Variants in GRIP1 observed in about 807,000 individuals in gnomAD.
GRIP1 encodes the protein glutamate receptor-interacting protein 1.
In GRIP1, 45 loss-of-function variants were observed where a neutral mutation model predicts 129.9. The observed-to-expected ratio is 0.35, with a 90% CI of 0.27 to 0.44. The LOEUF (loss-of-function observed/expected upper bound fraction) is 0.44, where lower values mean the gene tolerates loss of function less well. Ranked by LOEUF, GRIP1 falls within the 20% of genes least tolerant of loss-of-function variation. GRIP1 has a pLI of 1.00. For synonymous variants in GRIP1, 530 were observed against 520.8 expected (o/e 1.02, Z -0.24); for missense variants, 1,196 against 1,396.8 (o/e 0.86, Z 2.29).
At chr12:66,806,707 AT>A (rs1180614264), upstream of GRIP1, among the ~76,000 whole-genome samples, 8 of 152,080 alleles carry the variant, frequency 5.3e-5, no homozygotes, top group African/African-American at 1.7e-4. Flanking sequence ...GTAAGCAACT[AT>A]TTTTGCACAA....
intron 2 of GRIP1, among the ~76,000 whole-genome samples, chr12:66,544,330 C>G (rs2061879613): frequency 6.6e-6 from 1 of 152,082 alleles, no homozygotes; most frequent in South Asian, 2.1e-4. Context: ...AATGCCTACT[C>G]TGAGCCAGAC....
In GRIP1 at chr12:66,709,378, T is replaced by C. The variant is rs569585874; in HGVS notation, c.-419-79042A>G. Among the ~76,000 whole-genome samples the C allele has an allele frequency of 2.6e-5, 4 of 152,126 alleles. No individual in the cohort carries two copies. In the East Asian group the frequency reaches 7.8e-4, roughly 30 times the overall value. ...AAAATGATCTCAACAGAGTGGCATA[T>C]GGATTGACTAAAGAGAATCCCTTAT... is the stretch of plus-strand genomic sequence containing the variant. On this transcript the variant is annotated intron_variant, in intron 1 of 4. Coordinates refer to the GRIP1 transcript ENST00000538373.
chr12:66,647,128 T>C (rs920458035), intron 1 of GRIP1, among the ~76,000 whole-genome samples: 5 of 152,188 alleles, frequency 3.3e-5, no homozygotes, highest in African/African-American at 1.2e-4. Flanking sequence ...TCCCGCCTTA[T>C]GAGTGCAGTA....
At chr12:66,475,030 T>G (rs1464001021) in intron 7 of GRIP1, among the ~76,000 whole-genome samples, 1 of 152,150 alleles carries the variant, frequency 6.6e-6, no homozygotes, top group African/African-American at 2.4e-5. Context: ...AGACACAGAC[T>G]GGCAAATTGG....
intron 1 of GRIP1, among the ~76,000 whole-genome samples, chr12:66,881,175 C>T (rs1847492): frequency 0.034 from 4,463 of 132,656 alleles, 127 homozygotes; most frequent in African/African-American, 0.076. Flanking sequence ...TGGACAGAAA[C>T]GCTACAGAAA....
chr12:66,904,926 G>A (rs1469311956), intron 1 of GRIP1, among the ~76,000 whole-genome samples: 2 of 151,514 alleles, frequency 1.3e-5, no homozygotes, highest in Non-Finnish European at 1.5e-5. Flanking sequence ...CTTTGTTTTT[G>A]TTTGTCTTTT....
intron 1 of GRIP1, among the ~76,000 whole-genome samples, chr12:66,610,226 G>C (rs1477275793): frequency 6.6e-6 from 1 of 150,878 alleles, no homozygotes; most frequent in Non-Finnish European, 1.5e-5. Flanking sequence ...ATACACACAC[G>C]CATATATATA....
intron 1 of GRIP1, among the ~76,000 whole-genome samples, chr12:66,865,302 T>C (rs1259162923): frequency 1.3e-5 from 2 of 152,194 alleles, no homozygotes; most frequent in Admixed American, 1.3e-4. Context: ...AATCAAGATT[T>C]ACTGTGATGA....
At chr12:66,982,992 C>G (rs904929334) in intron 1 of GRIP1, among the ~76,000 whole-genome samples, 1 of 152,138 alleles carries the variant, frequency 6.6e-6, no homozygotes, top group Non-Finnish European at 1.5e-5. Context: ...TAAAAAGGAA[C>G]AAAATCAGCT....
intron 2 of GRIP1, among the ~76,000 whole-genome samples, chr12:66,558,363 T>C (rs866936573): frequency 7.9e-5 from 12 of 152,176 alleles, no homozygotes; most frequent in Non-Finnish European, 4.4e-5. Context: ...TATAAAATCA[T>C]CAGATCCTGT....
chr12:66,816,554 C>T (rs2039222479), intron 1 of GRIP1, among the ~76,000 whole-genome samples: 1 of 152,146 alleles, frequency 6.6e-6, no homozygotes, highest in Non-Finnish European at 1.5e-5. Context: ...AAATTATGGA[C>T]ACATTATTTG....
intron 6 of GRIP1, 39 bp downstream of exon 6, chr12:66,517,862 A>T (rs1400416609): frequency 9.6e-7 from 1 of 1,043,810 alleles, no homozygotes; most frequent in Non-Finnish European, 1.5e-6. Context: ...AGCTTTATTT[A>T]TTCTATTTTG....
intron 1 of GRIP1, among the ~76,000 whole-genome samples, chr12:66,785,952 A>G (rs1651848971): frequency 6.6e-6 from 1 of 151,784 alleles, no homozygotes; most frequent in African/African-American, 2.4e-5. Context: ...GCATGGTGGC[A>G]TGCACCAATA....
intron 1 of GRIP1, among the ~76,000 whole-genome samples, chr12:66,699,095 A>G (rs191928142): frequency 6.6e-6 from 1 of 152,270 alleles, no homozygotes; most frequent in Non-Finnish European, 1.5e-5. Context: ...GTGTCCCACA[A>G]GCAGATACTC....
At chr12:66,589,194 T>TCTC (rs2063757008) in intron 2 of GRIP1, among the ~76,000 whole-genome samples, 8 of 95,604 alleles carry the variant, frequency 8.4e-5, no homozygotes, top group South Asian at 4.6e-4. Context: ...CTCCCCCACC[T>TCTC]TCTCTCTCTC....
At chr12:66,810,291 C>T (rs567139906) in intron 1 of GRIP1, among the ~76,000 whole-genome samples, 46 of 152,242 alleles carry the variant, frequency 3.0e-4, no homozygotes, top group African/African-American at 9.9e-4. Context: ...GGCATGGTGG[C>T]TCACAGCTGT....
intron 1 of GRIP1, among the ~76,000 whole-genome samples, chr12:66,914,291 T>C (rs145950784): frequency 2.4e-3 from 361 of 152,340 alleles, no homozygotes; most frequent in African/African-American, 8.3e-3. Flanking sequence ...CCTATTTTGC[T>C]GTTGTTAACA....
chr12:66,913,844 T>C (rs537370846), intron 1 of GRIP1, among the ~76,000 whole-genome samples: 9 of 152,318 alleles, frequency 5.9e-5, no homozygotes, highest in Middle Eastern at 3.4e-3. Context: ...GTTCATATCA[T>C]TTAATGTTAA....
At chr12:66,835,327 T>C (rs1031114132) in intron 1 of GRIP1, among the ~76,000 whole-genome samples, 9 of 152,214 alleles carry the variant, frequency 5.9e-5, no homozygotes, top group Non-Finnish European at 1.2e-4. Context: ...TCCCAGTCAT[T>C]AGTATGAAAA....
Sources: allele counts gnomAD v4.1 joint callset (sites outside exome capture counted in the v4.1 genomes callset), GRCh38; gene constraint gnomAD v4.1.1; transcripts MANE v1.5; gene names NCBI Gene and HGNC (gene_info 2026-07-23, HGNC 2026-07-21).